SF1: variants seen among roughly 807,000 people sequenced by gnomAD.
SF1 encodes the protein branch point-binding protein.
Under a neutral mutation model 62.5 loss-of-function variants are expected in SF1, and 7 were observed. The ratio of observed to expected loss-of-function variants is 0.11; its 90% CI spans 0.06 to 0.21. The LOEUF (loss-of-function observed/expected upper bound fraction) is 0.21. SF1 is among the 10% of genes least tolerant of loss of function. The pLI is 1.00. For missense variants in SF1, 578 were observed against 884.0 expected, an observed-to-expected ratio of 0.65 and a Z score of 4.39; for synonymous variants, 394 against 323.6, an observed-to-expected ratio of 1.22 and a Z score of -2.33.
intron 5 of SF1, 128 bp from the exon 6 acceptor site, chr11:64,769,737 C>T: frequency 3.3e-6 from 3 of 898,310 alleles, no homozygotes; most frequent in Admixed American, 2.3e-5. Context: ...ACCAAGAGCT[C>T]CATGAACTCT....
chr11:64,767,339 A>T (rs1334746614), intron 10 of SF1, 88 bp from the exon 11 acceptor site: 8 of 1,334,364 alleles, frequency 6.0e-6, no homozygotes, highest in Admixed American at 1.7e-5. Context: ...TGCTATCCTT[A>T]CGCGAGTTCT....
At chr11:64,767,955 G>A (rs1937625592) in intron 9 of SF1, 111 bp from the exon 10 acceptor site, 9 of 1,480,814 alleles carry the variant, frequency 6.1e-6, no homozygotes, top group East Asian at 2.3e-5. Context: ...TTCCCGAAGT[G>A]AGAAGTCCCC....
intron 2 of SF1, among the ~76,000 whole-genome samples, chr11:64,775,878 G>A (rs1939140017): frequency 6.6e-6 from 1 of 152,042 alleles, no homozygotes; most frequent in Non-Finnish European, 1.5e-5. Context: ...CCCTTTCCCA[G>A]CAGAGTTCTT....
chr11:64,771,637 A>G, intron 3 of SF1: 13 of 985,418 alleles, frequency 1.3e-5, no homozygotes, highest in Non-Finnish European at 1.6e-5. Context: ...CGTTTCTAGC[A>G]TTTGTATAAA....
At chr11:64,766,347 G>A (rs1379063070) in intron 12 of SF1, 192 bp from the exon 13 acceptor site, 2 of 593,212 alleles carry the variant, frequency 3.4e-6, no homozygotes, top group East Asian at 2.8e-5. Context: ...TCAGCCTCGA[G>A]GTCTCTGGGC....
chr11:64,778,423 C>A lies in SF1; in HGVS notation c.-31G>T, dbSNP rs973062066. ...CCCCGGGGACAGGCACCGGCACCTG[C>A]TTTTCCTCTGCGGCGGCTTCTCCTT... On this transcript the variant is annotated 5_prime_UTR_variant, in exon 1 of 13. Transcript: ENST00000377390. 3.3e-6 allele frequency: 4 copies of A among 1,224,478 alleles called. No individual in the cohort carries two copies. Among genetic ancestry groups the A allele is most frequent in the Admixed American group, 8.5e-5 (2 of 23,646 alleles). 75.9% of individuals were successfully genotyped at this position (1,224,478 alleles called of 1,614,324 possible).
At chr11:64,766,633 G>A in intron 12 of SF1, 4 of 437,062 alleles carry the variant, frequency 9.2e-6, no homozygotes, top group Admixed American at 3.9e-5. Context: ...GCCTGCGAGG[G>A]TCTGGACTTC....
At chr11:64,770,221 G>A (rs1218476924) in intron 4 of SF1, 35 bp downstream of exon 4, 1 of 1,605,794 alleles carries the variant, frequency 6.2e-7, no homozygotes, top group African/African-American at 1.3e-5. Context: ...ATCTGCATGT[G>A]TCTTCATCCC....
intron 1 of SF1, 175 bp downstream of exon 1, chr11:64,778,187 G>A: frequency 9.8e-7 from 1 of 1,021,532 alleles, no homozygotes. Flanking sequence ...AGGCGGCGGA[G>A]GCAGCGCCGC....
intron 1 of SF1, chr11:64,777,964 C>T: frequency 1.0e-6 from 1 of 990,734 alleles, no homozygotes; most frequent in Non-Finnish European, 1.2e-6. Context: ...CGACGCCTCT[C>T]GCGCTCTCTC....
At chr11:64,774,088 C>CTGTA (rs1938743399) in intron 2 of SF1, among the ~76,000 whole-genome samples, 1 of 152,228 alleles carries the variant, frequency 6.6e-6, no homozygotes, top group South Asian at 2.1e-4. Flanking sequence ...CATACTCTTT[C>CTGTA]TGTACAACCA....
intron 1 of SF1, among the ~76,000 whole-genome samples, chr11:64,776,986 G>A (rs1174410319): frequency 1.3e-5 from 2 of 152,194 alleles, no homozygotes; most frequent in Admixed American, 6.5e-5. Flanking sequence ...AAAATACACT[G>A]AAGAATCATA....
intron 1 of SF1, 187 bp downstream of exon 1, chr11:64,778,175 G>A (rs1456675009): frequency 5.3e-6 from 5 of 936,378 alleles, no homozygotes; most frequent in Non-Finnish European, 6.7e-6. Flanking sequence ...GGGCGGCGGC[G>A]GAGGCGGCGG....
At position 64,765,867 on chromosome 11, in the gene SF1, G is replaced by A. The variant is rs768481184; in HGVS notation, c.1871C>T (p.Pro624Leu). The stretch of plus-strand genomic sequence containing the variant: ...GGGAGCTGGAGGCATCCCGAAGGGC[G>A]GCATGCCCGCCACCCCCATGCCCAT... Reference protein sequence around the residue: ...TMMGMGVAGMPPFGMPPAPPP... With the variant: ...TMMGMGVAGMLPFGMPPAPPP... Residue 624 changes from proline to leucine, a missense_variant, in exon 13 of 13, where the codon CCG becomes CTG. By Grantham distance (98) the Pro-to-Leu change is moderately conservative. This residue lies in a region of SF1 where 410 missense variants were observed against 452.4 expected (regional missense o/e 0.91). Coordinates refer to ENST00000377390, the MANE Select transcript of SF1 (RefSeq NM_004630.4). 2.4e-5 allele frequency: 38 copies of A among 1,562,342 alleles called. No individual in the cohort carries two copies. Among genetic ancestry groups the A allele is most frequent in the South Asian group, 3.5e-5 (3 of 85,208 alleles).
In SF1 at chr11:64,765,547, G is replaced by C. The variant is rs754213839; in HGVS notation, c.*271C>G. ...GCGGCCCGGTTTGGGGAGAGGCAAA[G>C]GGAGTTGGGTGAGGAGAGAAAGAAG... is the stretch of plus-strand genomic sequence containing the variant. On this transcript the variant is annotated 3_prime_UTR_variant, in exon 13 of 13. Coordinates refer to ENST00000377390, the MANE Select transcript of SF1 (RefSeq NM_004630.4). The C allele has an allele frequency of 2.5e-6, 4 of 1,595,678 alleles. No individual in the cohort carries two copies. The Admixed American group carries it at 7.1e-5, about 28-fold the overall frequency.
chr11:64,770,629 A>G (rs918527624), intron 3 of SF1: 2 of 441,986 alleles, frequency 4.5e-6, no homozygotes, highest in Admixed American at 7.6e-5. Context: ...GGAAAAAAAT[A>G]AAAGATTTTG....
intron 12 of SF1, 90 bp downstream of exon 12, chr11:64,766,810 G>C: frequency 1.8e-6 from 2 of 1,117,630 alleles, no homozygotes; most frequent in Non-Finnish European, 2.5e-6. Context: ...CTCATCCCAA[G>C]ACACCTGCCT....
chr11:64,765,950 C>CA lies in SF1; in HGVS notation c.1787dup (p.Met596IlefsTer16). The CA allele has an allele frequency of 6.3e-7, 1 of 1,576,462 alleles. No homozygotes were observed. Among genetic ancestry groups the CA allele is most frequent in the Non-Finnish European group, 8.6e-7 (1 of 1,161,394 alleles). ...GCGGAGGAGGAGGGGGCGGGGCATA[C>CA]ATCATGCCGGCGGAACCAGGCGGTG... On this transcript the variant is annotated frameshift_variant, in exon 13 of 13. Transcript: ENST00000377390. LOFTEE classifies it high-confidence loss of function.
Position 64,765,842 on chromosome 11 carries a change from G to A in SF1, c.1896C>T (p.Pro632=), listed in dbSNP as rs967314985. The part of the protein sequence containing the change: ...GMPPFGMPPA[P]PPPPPQN ...TCTAGTTCTGTGGTGGAGGCGGTGG[G>A]GGAGCTGGAGGCATCCCGAAGGGCG... The change falls in exon 13 of 13, where the codon CCC becomes CCT. Residue 632 remains proline (P), a synonymous_variant. Coordinates refer to ENST00000377390, the MANE Select transcript of SF1 (RefSeq NM_004630.4). The A allele has an allele frequency of 3.1e-5, 48 of 1,554,078 alleles. No homozygotes were observed. The highest frequency in any genetic ancestry group is 4.0e-5 in the Non-Finnish European group (46 of 1,149,706).
Sources: gnomAD v4.1 joint callset for allele counts (sites outside exome capture counted in the v4.1 genomes callset) on GRCh38, gnomAD v4.1.1 for gene constraint, gnomAD v4.1.1 regional missense constraint, MANE v1.5 for transcripts, NCBI Gene and HGNC (gene_info 2026-07-23, HGNC 2026-07-21) for gene names.